VPS13B: variants seen among roughly 807,000 people sequenced by gnomAD.
VPS13B encodes the protein intermembrane lipid transfer protein VPS13B.
A neutral mutation model predicts 426.4 loss-of-function variants in VPS13B; 285 were observed. That is an observed-to-expected ratio of 0.67 (90% CI 0.61 to 0.74). VPS13B has a LOEUF of 0.74. VPS13B is among the 30% of genes least tolerant of loss of function. The pLI is 0.00. For synonymous variants in VPS13B, 1,676 were observed against 1,676.4 expected (o/e 1.00, Z 0.01); for missense variants, 4,537 against 4,782.6 (o/e 0.95, Z 1.51).
intron 31 of VPS13B, among the ~76,000 whole-genome samples, chr8:99,561,625 A>C (rs1370273572): frequency 6.6e-6 from 1 of 152,182 alleles, no homozygotes; most frequent in Non-Finnish European, 1.5e-5. Flanking sequence ...CTGTTAGATG[A>C]TTTTGCCCAA....
chr8:99,268,896 C>T (rs1190787029), intron 17 of VPS13B, among the ~76,000 whole-genome samples: 2 of 151,990 alleles, frequency 1.3e-5, no homozygotes, highest in Non-Finnish European at 2.9e-5. Flanking sequence ...TGGGAGGGAC[C>T]CAGTGGGAGG....
intron 8 of VPS13B, among the ~76,000 whole-genome samples, chr8:99,128,915 G>A (rs1001817481): frequency 6.6e-5 from 10 of 152,114 alleles, no homozygotes; most frequent in Non-Finnish European, 1.0e-4. Context: ...TGAGGCGGGC[G>A]GATCATGAGG....
chr8:99,502,946 A>G lies in VPS13B; in HGVS notation c.4153A>G (p.Ser1385Gly). The change falls in exon 27 of 62, where the codon AGC becomes GGC. Residue 1385 changes from serine to glycine, a missense_variant. Ser to Gly is a moderately conservative substitution (Grantham distance 56). Coordinates refer to ENST00000357162, the MANE Select transcript of VPS13B (RefSeq NM_152564.5). ...IESFNIDHYR[S>G]RPGEGWQSGH... is the part of the protein sequence containing the mutation. Reference sequence around the variant, plus strand: ...GAGTTTCAATATTGATCACTATAGAAGCAGGTAAATAATGAATAATGAATA... The same window carrying G: ...GAGTTTCAATATTGATCACTATAGAGGCAGGTAAATAATGAATAATGAATA... 1 of 1,593,406 alleles carries G rather than the reference A, an allele frequency of 6.3e-7. No homozygotes were observed. Among genetic ancestry groups the G allele is most frequent in the African/African-American group, 1.3e-5 (1 of 74,586 alleles).
chr8:99,530,840 C>T (rs1822897354), intron 30 of VPS13B, among the ~76,000 whole-genome samples: 2 of 152,100 alleles, frequency 1.3e-5, no homozygotes. Context: ...TCCTAGGCCA[C>T]ACGTAATAAG....
intron 33 of VPS13B, among the ~76,000 whole-genome samples, chr8:99,581,263 C>T (rs1826047040): frequency 6.6e-6 from 1 of 151,850 alleles, no homozygotes; most frequent in Non-Finnish European, 1.5e-5. Flanking sequence ...GGGAAAAATG[C>T]ACATATCTTT....
At position 99,859,436 on chromosome 8, in the gene VPS13B, G is replaced by T; in HGVS notation, c.11000G>T (p.Gly3667Val). Residue 3667 changes from glycine (G) to valine (V), a missense_variant, in exon 57 of 62, where the codon GGC becomes GTC. Gly to Val is a moderately radical substitution (Grantham distance 109). Transcript: ENST00000357162. Reference protein sequence around the residue: ...LTRGPGAFVSGVSRGTTSFVK... With the variant: ...LTRGPGAFVSVVSRGTTSFVK... ...CGGGGCCCTGGAGCCTTCGTGAGTG[G>T]CGTCTCCAGAGGGACCACATCGTTT... 1 of 1,614,146 alleles carries T rather than the reference G, an allele frequency of 6.2e-7. No homozygotes were observed. Among genetic ancestry groups the T allele is most frequent in the Non-Finnish European group, 8.5e-7 (1 of 1,180,028 alleles).
At chr8:99,517,922 A>AT (rs551819149) in intron 29 of VPS13B, among the ~76,000 whole-genome samples, 19 of 151,030 alleles carry the variant, frequency 1.3e-4, no homozygotes, top group East Asian at 3.9e-4. Flanking sequence ...TATTTTTATT[A>AT]TTTTTTTTTA....
intron 43 of VPS13B, among the ~76,000 whole-genome samples, chr8:99,805,895 T>C (rs1813372296): frequency 2.0e-5 from 3 of 152,106 alleles, no homozygotes; most frequent in Admixed American, 1.3e-4. Flanking sequence ...TGAATGATGG[T>C]AGGGGAAGTA....
rs142316481 is a variant in VPS13B, at chr8:99,060,324, T to C, written c.291+21758T>C. Among the ~76,000 whole-genome samples the C allele has an allele frequency of 6.1e-3, 926 of 152,152 alleles. 13 individuals are homozygous for C. The highest frequency in any genetic ancestry group is 0.021 in the African/African-American group (881 of 41,508). ...GTTTGATTCTTTAAAAATACATAAA[T>C]TGGGCTAGGCGTGGTGGTTCACCCA... On this transcript the variant is annotated intron_variant, in intron 3 of 61. Coordinates refer to ENST00000357162, the MANE Select transcript of VPS13B (RefSeq NM_152564.5).
At chr8:99,058,101 C>T (rs912433219) in intron 3 of VPS13B, among the ~76,000 whole-genome samples, 1 of 151,900 alleles carries the variant, frequency 6.6e-6, no homozygotes, top group Middle Eastern at 3.2e-3. Context: ...TTTTTATATA[C>T]AAAATCAACA....
intron 16 of VPS13B, among the ~76,000 whole-genome samples, chr8:99,181,225 T>A (rs1228159885): frequency 6.6e-6 from 1 of 152,192 alleles, no homozygotes; most frequent in Non-Finnish European, 1.5e-5. Flanking sequence ...GTAGTATATG[T>A]TTATTGGTAT....
chr8:99,398,105 T>TA (rs979829234), intron 21 of VPS13B, among the ~76,000 whole-genome samples: 3 of 152,182 alleles, frequency 2.0e-5, no homozygotes, highest in Non-Finnish European at 4.4e-5. Context: ...CAAAGCTGGT[T>TA]AAAAAAATGT....
At chr8:99,814,537 CTTA>C (rs1486996019) in intron 44 of VPS13B, among the ~76,000 whole-genome samples, 1 of 152,162 alleles carries the variant, frequency 6.6e-6, no homozygotes, top group Non-Finnish European at 1.5e-5. Flanking sequence ...AACTGTCTCC[CTTA>C]TTATCAAGGA....
At chr8:99,051,746 ATCCCT>A (rs1843566494) in intron 3 of VPS13B, among the ~76,000 whole-genome samples, 1 of 152,158 alleles carries the variant, frequency 6.6e-6, no homozygotes, top group African/African-American at 2.4e-5. Flanking sequence ...GGTCCTTCAC[ATCCCT>A]TGTAAGTTGG....
At chr8:99,742,714 A>G (rs1428176783) in intron 39 of VPS13B, among the ~76,000 whole-genome samples, 1 of 152,224 alleles carries the variant, frequency 6.6e-6, no homozygotes, top group African/African-American at 2.4e-5. Flanking sequence ...AACAGTACCA[A>G]TGACAAAAAC....
At chr8:99,096,941 G>T (rs1001067230) in intron 4 of VPS13B, among the ~76,000 whole-genome samples, 4 of 152,100 alleles carry the variant, frequency 2.6e-5, no homozygotes, top group African/African-American at 9.7e-5. Context: ...TGAGACTCTG[G>T]TATCTTTTAG....
At chr8:99,239,564 A>C (rs1816811336) in intron 17 of VPS13B, among the ~76,000 whole-genome samples, 1 of 152,146 alleles carries the variant, frequency 6.6e-6, no homozygotes, top group Non-Finnish European at 1.5e-5. Flanking sequence ...TTTTTAAAGA[A>C]TACTCATCCT....
At chr8:99,859,016 C>T (rs188844450) in intron 56 of VPS13B, among the ~76,000 whole-genome samples, 71 of 152,256 alleles carry the variant, frequency 4.7e-4, no homozygotes, top group African/African-American at 1.7e-3. Context: ...TGCATCCCCG[C>T]CACATGGACC....
chr8:99,853,455 C>T lies in VPS13B; in HGVS notation c.10066C>T (p.Pro3356Ser). The stretch of plus-strand genomic sequence containing the variant: ...TCTTGTCCCTTTCTCCTCTAGAGCG[C>T]CAGAGAAGATTGTTACATTTAAAAT... ...GPILTNTNRA[P>S]EKIVTFKMFI... The change falls in exon 56 of 62, where the codon CCA becomes TCA. Residue 3356 changes from proline to serine, a missense_variant. Pro to Ser is a moderately conservative substitution (Grantham distance 74, BLOSUM62 -1). Around this residue, in one of 2 missense-constraint regions of VPS13B, gnomAD observed 4,311 missense variants for 4,474.3 expected, o/e 0.96. Transcript: ENST00000357162. 6.2e-7 allele frequency: 1 copy of T among 1,614,112 alleles called. No homozygotes were observed. Among genetic ancestry groups the T allele is most frequent in the Non-Finnish European group, 8.5e-7 (1 of 1,180,026 alleles).
Sources: allele counts gnomAD v4.1 joint callset (sites outside exome capture counted in the v4.1 genomes callset), GRCh38; gene constraint gnomAD v4.1.1; regional missense constraint gnomAD v4.1.1; transcripts MANE v1.5; gene names NCBI Gene and HGNC (gene_info 2026-07-23, HGNC 2026-07-21).